The following MCTP1 variants were observed in gnomAD, a reference collection of about 807,000 sequenced individuals.
The protein encoded by MCTP1 is multiple C2 and transmembrane domain-containing protein 1.
In MCTP1, 69 loss-of-function variants were observed where a neutral mutation model predicts 120.6. The observed-to-expected ratio is 0.57, with a 90% CI of 0.47 to 0.70. The LOEUF (loss-of-function observed/expected upper bound fraction) is 0.70. MCTP1 is among the 30% of genes least tolerant of loss of function. The pLI is 0.00. For missense variants in MCTP1, 1,203 were observed against 1,248.8 expected (o/e 0.96, Z 0.55); for synonymous variants, 529 against 493.1 (o/e 1.07, Z -0.96).
intron 1 of MCTP1, among the ~76,000 whole-genome samples, chr5:95,252,362 T>C (rs889017594): frequency 6.6e-6 from 1 of 152,150 alleles, no homozygotes; most frequent in African/African-American, 2.4e-5. Flanking sequence ...TCTTCCTTGA[T>C]TGCATTTCAA....
chr5:95,003,752 G>A (rs938515699), intron 2 of MCTP1, among the ~76,000 whole-genome samples: 10 of 152,198 alleles, frequency 6.6e-5, no homozygotes, highest in South Asian at 2.1e-4. Context: ...TGCAGACCAC[G>A]AGCTGATTAA....
chr5:94,744,053 C>G (rs191509442), intron 19 of MCTP1, among the ~76,000 whole-genome samples: 1 of 152,266 alleles, frequency 6.6e-6, no homozygotes, highest in Admixed American at 6.5e-5. Context: ...TCACTGCAAC[C>G]TCTGCTTCCC....
chr5:95,118,861 A>G (rs1392757616), intron 1 of MCTP1, among the ~76,000 whole-genome samples: 2 of 152,244 alleles, frequency 1.3e-5, no homozygotes, highest in Admixed American at 1.3e-4. Context: ...CATGTACCTA[A>G]CACTGCAGCA....
At chr5:95,149,984 T>A (rs763293006) in intron 1 of MCTP1, among the ~76,000 whole-genome samples, 1 of 152,156 alleles carries the variant, frequency 6.6e-6, no homozygotes, top group African/African-American at 2.4e-5. Context: ...CTGTTCTCCA[T>A]GTGTCCCTTT....
intron 2 of MCTP1, among the ~76,000 whole-genome samples, chr5:95,011,503 G>C (rs768498865): frequency 6.6e-6 from 1 of 152,110 alleles, no homozygotes; most frequent in African/African-American, 2.4e-5. Flanking sequence ...GGAGGGACCT[G>C]GTGGGAGGTG....
intron 1 of MCTP1, chr5:95,081,315 A>T: frequency 1.2e-6 from 1 of 822,006 alleles, no homozygotes; most frequent in South Asian, 1.8e-5. Context: ...CTCAAATGCA[A>T]CCTTCAATAC....
chr5:94,855,682 GAAGA>G (rs1264421205), intron 17 of MCTP1, among the ~76,000 whole-genome samples: 1 of 151,672 alleles, frequency 6.6e-6, no homozygotes, highest in Non-Finnish European at 1.5e-5. Flanking sequence ...CATTATTTAA[GAAGA>G]AAGAGGGAAA....
intron 1 of MCTP1, among the ~76,000 whole-genome samples, chr5:95,283,379 C>T (rs1760474142): frequency 6.6e-6 from 1 of 152,202 alleles, no homozygotes; most frequent in Admixed American, 6.5e-5. Flanking sequence ...TGAGATGATG[C>T]TTTCCCTGGC....
At chr5:95,200,043 C>G (rs190146014) in intron 1 of MCTP1, among the ~76,000 whole-genome samples, 1 of 151,732 alleles carries the variant, frequency 6.6e-6, no homozygotes, top group African/African-American at 2.4e-5. Flanking sequence ...TGCCTGCAAT[C>G]GCAGCTACTT....
intron 1 of MCTP1, among the ~76,000 whole-genome samples, chr5:95,031,404 T>C (rs1209704121): frequency 1.3e-5 from 2 of 151,868 alleles, no homozygotes; most frequent in African/African-American, 4.8e-5. Context: ...AAATTACCTA[T>C]AAAGGAAATC....
chr5:94,924,665 C>T (rs1047336295), intron 6 of MCTP1, among the ~76,000 whole-genome samples: 5 of 152,122 alleles, frequency 3.3e-5, no homozygotes, highest in Admixed American at 6.5e-5. Flanking sequence ...ACCAATTCAA[C>T]TTTGGGAAAT....
At position 95,237,854 on chromosome 5, in the gene MCTP1, A is replaced by G. The variant is rs766510022; in HGVS notation, c.720+46002T>C. Reference sequence around the variant, plus strand: ...AGCTGCAAGTAGCCTAAGAAATAGCATTTACCTTGGGTAATTCACCATGAT... The same window carrying G: ...AGCTGCAAGTAGCCTAAGAAATAGCGTTTACCTTGGGTAATTCACCATGAT... On this transcript the variant is annotated intron_variant, in intron 1 of 22. Coordinates refer to ENST00000515393, the MANE Select transcript of MCTP1 (RefSeq NM_024717.7). Among the ~76,000 whole-genome samples, 34 of 152,254 alleles carry G rather than the reference A, an allele frequency of 2.2e-4. No individual in the cohort carries two copies. In the Middle Eastern group the frequency reaches 0.01, roughly 46 times the overall value.
intron 10 of MCTP1, among the ~76,000 whole-genome samples, chr5:94,900,982 T>A (rs1031192705): frequency 6.6e-6 from 1 of 152,244 alleles, no homozygotes; most frequent in African/African-American, 2.4e-5. Flanking sequence ...ATTCAAGTGA[T>A]CTGCATCAAA....
At chr5:95,048,681 T>C (rs985462608) in intron 1 of MCTP1, among the ~76,000 whole-genome samples, 6 of 152,182 alleles carry the variant, frequency 3.9e-5, no homozygotes, top group African/African-American at 1.4e-4. Context: ...TCCATGGCTG[T>C]TTGCTCAATG....
intron 1 of MCTP1, among the ~76,000 whole-genome samples, chr5:95,086,975 G>A (rs1755486051): frequency 6.6e-6 from 1 of 152,132 alleles, no homozygotes; most frequent in Non-Finnish European, 1.5e-5. Context: ...AGATGTTCAC[G>A]TTTCTCTCAC....
intron 17 of MCTP1, among the ~76,000 whole-genome samples, chr5:94,800,406 G>C (rs1218232716): frequency 6.6e-6 from 1 of 152,166 alleles, no homozygotes; most frequent in Admixed American, 6.5e-5. Flanking sequence ...AGGAGAGTTA[G>C]GGGCAGTGCC....
At chr5:94,975,815 G>T (rs1016972995) in intron 2 of MCTP1, among the ~76,000 whole-genome samples, 1 of 151,610 alleles carries the variant, frequency 6.6e-6, no homozygotes, top group Non-Finnish European at 1.5e-5. Context: ...CTGCTTGGAC[G>T]CCTTCCCTGA....
At chr5:94,917,260 G>A (rs1364759998) in intron 8 of MCTP1, among the ~76,000 whole-genome samples, 2 of 152,110 alleles carry the variant, frequency 1.3e-5, no homozygotes, top group Non-Finnish European at 2.9e-5. Flanking sequence ...ATTGCGGCTG[G>A]TACTTAGTTT....
chr5:94,964,230 A>G (rs1024012604), intron 2 of MCTP1, among the ~76,000 whole-genome samples: 8 of 152,144 alleles, frequency 5.3e-5, no homozygotes, highest in African/African-American at 1.7e-4. Flanking sequence ...AAGATACTTG[A>G]TATGATTTTA....
Sources: gnomAD v4.1 joint callset for allele counts (sites outside exome capture counted in the v4.1 genomes callset) on GRCh38, gnomAD v4.1.1 for gene constraint, MANE v1.5 for transcripts, NCBI Gene and HGNC (gene_info 2026-07-23, HGNC 2026-07-21) for gene names.